LRRTM4: variants seen among roughly 807,000 people sequenced by gnomAD.
LRRTM4 encodes the protein leucine rich repeat transmembrane neuronal 4.
Under a neutral mutation model 47.6 loss-of-function variants are expected in LRRTM4, and 25 were observed. The ratio of observed to expected loss-of-function variants is 0.53; its 90% CI spans 0.38 to 0.73. The LOEUF (loss-of-function observed/expected upper bound fraction) is 0.73. LRRTM4 is among the 30% of genes least tolerant of loss of function. The pLI is 0.00. For synonymous variants in LRRTM4, 311 were observed against 269.5 expected (o/e 1.15, Z -1.51); for missense variants, 638 against 713.4 (o/e 0.89, Z 1.20).
chr2:77,191,688 T>C (rs2103879789), intron 3 of LRRTM4, among the ~76,000 whole-genome samples: 1 of 152,102 alleles, frequency 6.6e-6, no homozygotes, highest in Non-Finnish European at 1.5e-5. Context: ...CTTAGCTGAC[T>C]TAGAAAGAAG....
rs3055992 is a variant in LRRTM4, at chr2:76,929,925, TTGTGTGTGTGTGTGTG to T, written c.1552-181025_1552-181010del. Among the ~76,000 whole-genome samples the T allele has an allele frequency of 1.9e-4, 29 of 149,320 alleles. No homozygotes were observed. The South Asian group carries it at 3.0e-3, about 15-fold the overall frequency. ...AAAATGTGATAATTGCAATTAGAGT[TTGTGTGTGTGTGTGTG>T]TGTGTGTGTGTGTGTGTGTTTTAAA... On this transcript the variant is annotated intron_variant, in intron 3 of 3. Coordinates refer to ENST00000409884, the MANE Select transcript of LRRTM4 (RefSeq NM_001134745.3).
At position 77,421,575 on chromosome 2, in the gene LRRTM4, C is replaced by T. The variant is rs1170663205; in HGVS notation, c.1551+96743G>A. On this transcript the variant is annotated intron_variant, in intron 3 of 3. Transcript: ENST00000409884. ...ACAAAAAATTAGCCGGGCGTGTTGG[C>T]GGGTGCCTGTAGTCCCAGCTACTCG... 1.1e-4 allele frequency among the ~76,000 whole-genome samples: 17 copies of T among 152,146 alleles called. No individual in the cohort carries two copies. The East Asian group carries it at 2.1e-3, about 19-fold the overall frequency.
chr2:77,479,730 ATC>A (rs1442287503), intron 3 of LRRTM4, among the ~76,000 whole-genome samples: 1 of 144,722 alleles, frequency 6.9e-6, no homozygotes, highest in Non-Finnish European at 1.5e-5. Flanking sequence ...TCTTCTCTCC[ATC>A]TCTCTCTTTC....
intron 3 of LRRTM4, among the ~76,000 whole-genome samples, chr2:77,279,961 T>C (rs1248605813): frequency 6.6e-6 from 1 of 151,948 alleles, no homozygotes; most frequent in African/African-American, 2.4e-5. Flanking sequence ...AATAATATAA[T>C]ACTCCCCACT....
intron 3 of LRRTM4, among the ~76,000 whole-genome samples, chr2:77,301,544 C>A (rs1043375232): frequency 6.6e-6 from 1 of 152,014 alleles, no homozygotes; most frequent in Non-Finnish European, 1.5e-5. Context: ...CCAGAGCCAT[C>A]CTTTTTATTA....
At chr2:77,115,246 G>A (rs370424965) in intron 3 of LRRTM4, among the ~76,000 whole-genome samples, 224 of 152,240 alleles carry the variant, frequency 1.5e-3, no homozygotes, top group African/African-American at 4.8e-3. Context: ...GCTCGACCCC[G>A]CAGGCAGTCA....
At chr2:77,213,899 A>C (rs1283560818) in intron 3 of LRRTM4, among the ~76,000 whole-genome samples, 2 of 152,100 alleles carry the variant, frequency 1.3e-5, no homozygotes, top group Non-Finnish European at 2.9e-5. Flanking sequence ...ATATGGAATA[A>C]ATGTGGAACC....
chr2:77,162,913 T>G (rs1329177460), intron 3 of LRRTM4, among the ~76,000 whole-genome samples: 1 of 152,138 alleles, frequency 6.6e-6, no homozygotes, highest in Non-Finnish European at 1.5e-5. Flanking sequence ...TCAGAGCACC[T>G]CTTCTCCTCC....
chr2:76,753,880 T>A (rs1394080379), intron 3 of LRRTM4, among the ~76,000 whole-genome samples: 1 of 152,182 alleles, frequency 6.6e-6, no homozygotes, highest in Non-Finnish European at 1.5e-5. Flanking sequence ...ATTGTGACCC[T>A]CTTTTCTCAA....
intron 3 of LRRTM4, among the ~76,000 whole-genome samples, chr2:77,285,854 C>T (rs1372026258): frequency 6.6e-6 from 1 of 152,050 alleles, no homozygotes; most frequent in African/African-American, 2.4e-5. Flanking sequence ...TCTCTATCTT[C>T]ACAATGTTGG....
chr2:76,985,283 C>T (rs547225803), intron 3 of LRRTM4, among the ~76,000 whole-genome samples: 116 of 152,096 alleles, frequency 7.6e-4, no homozygotes, highest in Non-Finnish European at 1.4e-3. Flanking sequence ...AGTTCCCCAC[C>T]TGTGAATTAA....
At chr2:76,836,363 C>T (rs1398129081) in intron 3 of LRRTM4, among the ~76,000 whole-genome samples, 3 of 151,870 alleles carry the variant, frequency 2.0e-5, no homozygotes, top group Non-Finnish European at 2.9e-5. Context: ...TGTATTTGCT[C>T]AACACATATT....
At chr2:77,039,378 C>G (rs1437527338) in intron 3 of LRRTM4, among the ~76,000 whole-genome samples, 1 of 149,732 alleles carries the variant, frequency 6.7e-6, no homozygotes, top group Non-Finnish European at 1.5e-5. Flanking sequence ...AACAGAGATA[C>G]AGGTATATTT....
At chr2:77,050,576 C>T (rs112537709) in intron 3 of LRRTM4, among the ~76,000 whole-genome samples, 2,372 of 152,250 alleles carry the variant, frequency 0.016, 67 homozygotes, top group African/African-American at 0.054. Context: ...GAACCTGTAA[C>T]AGTCGGTGCA....
intron 3 of LRRTM4, among the ~76,000 whole-genome samples, chr2:77,271,510 G>C (rs1676190835): frequency 6.6e-6 from 1 of 152,158 alleles, no homozygotes; most frequent in Non-Finnish European, 1.5e-5. Flanking sequence ...CCTCCCAAAA[G>C]AGGTTGAGTG....
At chr2:76,980,689 G>A (rs781133046) in intron 3 of LRRTM4, among the ~76,000 whole-genome samples, 15 of 151,982 alleles carry the variant, frequency 9.9e-5, no homozygotes, top group Non-Finnish European at 1.5e-4. Context: ...TTTTAAATTC[G>A]AGAGTAATGG....
At chr2:76,807,949 C>CTTTTTCTT (rs10643892) in intron 3 of LRRTM4, among the ~76,000 whole-genome samples, 1 of 139,946 alleles carries the variant, frequency 7.1e-6, no homozygotes, top group Non-Finnish European at 1.5e-5. Context: ...TTCTTTCTTT[C>CTTTTTCTT]TTTCTTTTTC....
chr2:77,395,508 G>T (rs1673667942), intron 3 of LRRTM4, among the ~76,000 whole-genome samples: 1 of 151,964 alleles, frequency 6.6e-6, no homozygotes, highest in Non-Finnish European at 1.5e-5. Flanking sequence ...GCTAGTTTTG[G>T]TTGTGCCATC....
intron 3 of LRRTM4, among the ~76,000 whole-genome samples, chr2:76,902,212 AT>A (rs1294451167): frequency 2.0e-5 from 3 of 152,060 alleles, no homozygotes; most frequent in African/African-American, 7.2e-5. Flanking sequence ...TACACTGTCT[AT>A]TTTTTACAGC....
Sources: gnomAD v4.1 joint callset for allele counts (sites outside exome capture counted in the v4.1 genomes callset) on GRCh38, gnomAD v4.1.1 for gene constraint, MANE v1.5 for transcripts, NCBI Gene and HGNC (gene_info 2026-07-23, HGNC 2026-07-21) for gene names.